Variants in ARHGEF15 observed in about 807,000 individuals in gnomAD.
ARHGEF15 encodes the protein Rho guanine nucleotide exchange factor (GEF) 15.
In ARHGEF15, 58 loss-of-function variants were observed where a neutral mutation model predicts 79.7. The observed-to-expected ratio is 0.73, with a 90% CI of 0.59 to 0.91. The LOEUF is 0.91. Ranked by LOEUF, ARHGEF15 falls within the 40% of genes least tolerant of loss-of-function variation. The pLI is 0.00. For synonymous variants in ARHGEF15, 442 were observed against 456.0 expected (o/e 0.97, Z 0.39); for missense variants, 1,012 against 1,108.1 (o/e 0.91, Z 1.23).
At chr17:8,320,355 G>A (rs1157434680) in intron 15 of ARHGEF15, among the ~76,000 whole-genome samples, 3 of 152,116 alleles carry the variant, frequency 2.0e-5, no homozygotes, top group South Asian at 2.1e-4. Flanking sequence ...TAGGGAGGCC[G>A]AGGTGGACCT....
Position 8,321,293 on chromosome 17 carries a change from C to T in ARHGEF15, c.*300C>T, listed in dbSNP as rs897823196. On this transcript the variant is annotated 3_prime_UTR_variant, in exon 16 of 16. Transcript: ENST00000361926. ...ATGAGTATTCCTGCTATGCTCAGGG[C>T]CAAGGAAGACAAATCTAGGTCATGG... 4.0e-5 allele frequency: 11 copies of T among 277,864 alleles called. No individual in the cohort carries two copies. The highest frequency in any genetic ancestry group is 3.0e-4 in the South Asian group (3 of 9,934). 17.2% of individuals were successfully genotyped at this position (277,864 alleles called of 1,614,324 possible).
At position 8,320,750 on chromosome 17, in the gene ARHGEF15, C is replaced by T. The variant is rs980038663; in HGVS notation, c.2375-92C>T. ...CCATGAATTCCCACACCTACAATGA[C>T]CCTGAAGGCCTGAGACCCCACGAGG... On this transcript the variant is annotated intron_variant, in intron 15 of 15. Transcript: ENST00000361926. 1.5e-4 allele frequency: 167 copies of T among 1,145,140 alleles called. No homozygotes were observed. The African/African-American group carries it at 2.5e-3, about 17-fold the overall frequency. 70.9% of individuals were successfully genotyped at this position (1,145,140 alleles called of 1,614,324 possible). A position where few individuals can be genotyped will look rare whatever the true frequency, so the allele number is the denominator to read the frequency against.
chr17:8,315,049 C>G lies in ARHGEF15; in HGVS notation c.1049-17C>G. ...GGGAGCCCTGGGCTTCCCTGAAGTG[C>G]TATGTTTGCCCTCTAGAACCTCTGT... On this transcript the variant is annotated splice_polypyrimidine_tract_variant and intron_variant, in intron 5 of 15. Coordinates refer to ENST00000361926, the MANE Select transcript of ARHGEF15 (RefSeq NM_173728.4). The surrounding 1 kb of genome is among the most constrained non-coding windows in gnomAD (Gnocchi z 4.3). 6.2e-7 allele frequency: 1 copy of G among 1,613,222 alleles called. No homozygotes were observed. Among genetic ancestry groups the G allele is most frequent in the Non-Finnish European group, 8.5e-7 (1 of 1,179,494 alleles).
At chr17:8,313,280 C>T in intron 3 of ARHGEF15, 26 bp downstream of exon 3, 1 of 1,595,458 alleles carries the variant, frequency 6.3e-7, no homozygotes, top group Non-Finnish European at 8.5e-7. Context: ...GAGTGGACCT[C>T]TGGGCTGTGA....
chr17:8,316,006 C>G lies in ARHGEF15; in HGVS notation c.1575-13C>G, dbSNP rs1389121491. 2.5e-6 allele frequency: 4 copies of G among 1,600,518 alleles called. No homozygotes were observed. Among genetic ancestry groups the G allele is most frequent in the Non-Finnish European group, 3.4e-6 (4 of 1,178,186 alleles). On this transcript the variant is annotated splice_polypyrimidine_tract_variant and intron_variant, in intron 8 of 15. Coordinates refer to ENST00000361926, the MANE Select transcript of ARHGEF15 (RefSeq NM_173728.4). ...GGCCTCCAGGCAGCCGCTAGCCATG[C>G]CTGCTTCTGCAGGGACACCAACGTG... is the stretch of plus-strand genomic sequence containing the variant.
chr17:8,315,192 G>A lies in ARHGEF15; in HGVS notation c.1175G>A (p.Arg392His), dbSNP rs1451448716. 1 of 1,613,874 alleles carries A rather than the reference G, an allele frequency of 6.2e-7. No homozygotes were observed. Reference sequence around the variant, plus strand: ...ACCTTCCCACGACCCCCTGGACCTCGCAACACCCTGTGGCAGGAGCTTCCG... The same window carrying A: ...ACCTTCCCACGACCCCCTGGACCTCACAACACCCTGTGGCAGGAGCTTCCG... Reference protein sequence around the residue: ...APTFPRPPGPRNTLWQELPAV... With the variant: ...APTFPRPPGPHNTLWQELPAV... The change falls in exon 6 of 16, where the codon CGC becomes CAC. Residue 392 changes from arginine (R) to histidine (H), a missense_variant. Arg to His is a conservative substitution (Grantham distance 29, BLOSUM62 0). Transcript: ENST00000361926. The surrounding 1 kb of genome is among the most constrained non-coding windows in gnomAD (Gnocchi z 4.3).
rs1331599627 is a variant in ARHGEF15, at chr17:8,320,962, C to T, written c.2495C>T (p.Ser832Phe). The T allele has an allele frequency of 5.0e-6, 8 of 1,614,028 alleles. No individual in the cohort carries two copies. Among genetic ancestry groups the T allele is most frequent in the Non-Finnish European group, 6.8e-6 (8 of 1,179,934 alleles). Residue 832 changes from serine to phenylalanine, a missense_variant, in exon 16 of 16, where the codon TCT becomes TTT. By Grantham distance (155) the Ser-to-Phe change is radical. Transcript: ENST00000361926. ...AGGCTTCTCGAGGCTGTTGGATCTTCTTCAGGCACCCCCAATGCCCCCCCA... is the reference window on the plus strand; with the variant it reads ...AGGCTTCTCGAGGCTGTTGGATCTTTTTCAGGCACCCCCAATGCCCCCCCA... ...NQRLLEAVGS[S>F]SGTPNAPPP is the part of the protein sequence containing the mutation.
rs1325986797 is a variant in ARHGEF15, at chr17:8,319,357, C to G, written c.2232C>G (p.Pro744=). ...RWLGAFPTPG[P]LPCSPDTIYE... is the part of the protein sequence containing the mutation. ...TGGGAGCCTTCCCAACCCCAGGCCCCCTTCCCTGCTCCCCAGACACCATCT... is the reference window on the plus strand; with the variant it reads ...TGGGAGCCTTCCCAACCCCAGGCCCGCTTCCCTGCTCCCCAGACACCATCT... The change falls in exon 14 of 16, where the codon CCC becomes CCG. Residue 744 remains proline, a synonymous_variant. Transcript: ENST00000361926. 1 of 1,614,122 alleles carries G rather than the reference C, an allele frequency of 6.2e-7. No individual in the cohort carries two copies. Among genetic ancestry groups the G allele is most frequent in the Non-Finnish European group, 8.5e-7 (1 of 1,180,012 alleles).
rs748426242 is a variant in ARHGEF15, at chr17:8,313,266, G to T, written c.934+12G>T. 1.9e-6 allele frequency: 3 copies of T among 1,601,434 alleles called. No individual in the cohort carries two copies. Among genetic ancestry groups the T allele is most frequent in the African/African-American group, 1.3e-5 (1 of 74,906 alleles). On this transcript the variant is annotated intron_variant, in intron 3 of 15. Transcript: ENST00000361926. Reference sequence around the variant, plus strand: ...TGGAATCCAAACAGGTGCAGGGCCTGGGGGAGTGGACCTCTGGGCTGTGAG... The same window carrying T: ...TGGAATCCAAACAGGTGCAGGGCCTTGGGGAGTGGACCTCTGGGCTGTGAG...
intron 15 of ARHGEF15, among the ~76,000 whole-genome samples, chr17:8,320,048 GGGATTACAGGC>G (rs1474519152): frequency 1.3e-5 from 2 of 151,778 alleles, no homozygotes; most frequent in East Asian, 3.8e-4. Context: ...CCAAAGTGCT[GGGATTACAGGC>G]GTGAGCCACT....
Position 8,318,811 on chromosome 17 carries a change from G to A in ARHGEF15, c.1934G>A (p.Gly645Glu), listed in dbSNP as rs555250782. The change falls in exon 12 of 16, where the codon GGG becomes GAG. Residue 645 changes from glycine (G) to glutamate (E), a missense_variant. Gly to Glu is a moderately conservative substitution (Grantham distance 98, BLOSUM62 -2). Coordinates refer to ENST00000361926, the MANE Select transcript of ARHGEF15 (RefSeq NM_173728.4). The surrounding 1 kb of genome is among the most constrained non-coding windows in gnomAD (Gnocchi z 5.0). ...TTCCAGGGAGAGCTGACTGAGTTAGGGTGCCGGAGGGGGGGCGTGCTCTTT... is the reference window on the plus strand; with the variant it reads ...TTCCAGGGAGAGCTGACTGAGTTAGAGTGCCGGAGGGGGGGCGTGCTCTTT... ...LEFQGELTEL[G>E]CRRGGVLFAS... 1 of 1,613,664 alleles carries A rather than the reference G, an allele frequency of 6.2e-7. No homozygotes were observed. Among genetic ancestry groups the A allele is most frequent in the South Asian group, 1.1e-5 (1 of 91,084 alleles).
At chr17:8,320,016 G>C (rs1414859994) in intron 15 of ARHGEF15, among the ~76,000 whole-genome samples, 1 of 151,370 alleles carries the variant, frequency 6.6e-6, no homozygotes, top group Non-Finnish European at 1.5e-5. Flanking sequence ...CCGAGCTCAA[G>C]TGATCCTCCT....
At chr17:8,314,766 C>CA in intron 4 of ARHGEF15, 140 bp from the exon 5 acceptor site, 1 of 621,986 alleles carries the variant, frequency 1.6e-6, no homozygotes, top group Non-Finnish European at 2.5e-6. Flanking sequence ...AAAAAAAAGC[C>CA]TGAGGTTTGA....
intron 9 of ARHGEF15, among the ~76,000 whole-genome samples, chr17:8,316,909 A>T (rs911172121): frequency 1.6e-4 from 25 of 152,084 alleles, no homozygotes; most frequent in African/African-American, 5.6e-4. Context: ...CAGCCTCCTG[A>T]GTAGCTGGGA....
Position 8,316,001 on chromosome 17 carries a change from C to A in ARHGEF15, c.1575-18C>A, listed in dbSNP as rs1399632934. The A allele has an allele frequency of 6.2e-7, 1 of 1,600,238 alleles. No homozygotes were observed. Among genetic ancestry groups the A allele is most frequent in the African/African-American group, 1.3e-5 (1 of 74,892 alleles). On this transcript the variant is annotated intron_variant, in intron 8 of 15. Coordinates refer to ENST00000361926, the MANE Select transcript of ARHGEF15 (RefSeq NM_173728.4). ...ACCAGGGCCTCCAGGCAGCCGCTAG[C>A]CATGCCTGCTTCTGCAGGGACACCA...
intron 1 of ARHGEF15, 85 bp from the exon 2 acceptor site, chr17:8,311,906 C>G: frequency 1.1e-6 from 1 of 912,292 alleles, no homozygotes; most frequent in East Asian, 2.9e-5. Context: ...TCCCTCCTGA[C>G]TTCAAAATCC....
In ARHGEF15 at chr17:8,316,250, T is replaced by G. The variant is rs558250247; in HGVS notation, c.1704+102T>G. On this transcript the variant is annotated intron_variant, in intron 9 of 15. Coordinates refer to ENST00000361926, the MANE Select transcript of ARHGEF15 (RefSeq NM_173728.4). ...AGCTATCACCATGCACTACTCCACC[T>G]TAAACATAAAATCCCCCAAATCATA... is the stretch of plus-strand genomic sequence containing the variant. 43 of 1,455,514 alleles carry G rather than the reference T, an allele frequency of 3.0e-5. No homozygotes were observed. In the African/African-American group the frequency reaches 5.8e-4, roughly 20 times the overall value. 90.2% of individuals were successfully genotyped at this position (1,455,514 alleles called of 1,614,324 possible).
rs759754769 is a variant in ARHGEF15 at position 8,318,421 on chromosome 17, G to A, written c.1739G>A (p.Arg580His). The A allele has an allele frequency of 1.8e-5, 29 of 1,613,978 alleles. No homozygotes were observed. Among genetic ancestry groups the A allele is most frequent in the Admixed American group, 3.3e-5 (2 of 60,004 alleles). ...ILRQTEEGSS[R>H]QENAQKALGA... ...CGCCAGACAGAAGAGGGGTCCAGCC[G>A]TCAGGAGAATGCCCAGAAGGCCCTG... The change falls in exon 10 of 16, where the codon CGT becomes CAT. Residue 580 changes from arginine to histidine, a missense_variant. Transcript: ENST00000361926. The surrounding 1 kb of genome is among the most constrained non-coding windows in gnomAD (Gnocchi z 5.0).
At position 8,315,325 on chromosome 17, in the gene ARHGEF15, G is replaced by T; in HGVS notation, c.1260+48G>T. 20 of 1,610,920 alleles carry T rather than the reference G, an allele frequency of 1.2e-5. No individual in the cohort carries two copies. Among genetic ancestry groups the T allele is most frequent in the Non-Finnish European group, 1.7e-5 (20 of 1,178,236 alleles). ...GGGAGGGGGGTGCTGGGGTTGGGCT[G>T]CATGGGTCAGGCATAGGGGAGGAGG... On this transcript the variant is annotated intron_variant, in intron 6 of 15. Coordinates refer to ENST00000361926, the MANE Select transcript of ARHGEF15 (RefSeq NM_173728.4). This position sits in a 1 kb window ranked among gnomAD's most constrained non-coding sequence, Gnocchi z 4.3.
Sources: gnomAD v4.1 joint callset for allele counts (sites outside exome capture counted in the v4.1 genomes callset) on GRCh38, gnomAD v4.1.1 for gene constraint, Gnocchi (gnomAD v3.1) non-coding constraint, MANE v1.5 for transcripts, NCBI Gene and HGNC (gene_info 2026-07-23, HGNC 2026-07-21) for gene names.